SEMA6D: variants seen among roughly 807,000 people sequenced by gnomAD.
The protein encoded by SEMA6D is semaphorin 6D, also known as semaphorin-6D.
A neutral mutation model predicts 106.6 loss-of-function variants in SEMA6D; 35 were observed. That is an observed-to-expected ratio of 0.33 (90% confidence interval 0.25 to 0.44). The LOEUF (loss-of-function observed/expected upper bound fraction) is 0.44, where lower values mean the gene tolerates loss of function less well. Among genes scored for constraint, SEMA6D ranks in the 20% least tolerant of loss-of-function variants. The pLI, the probability that SEMA6D is intolerant of heterozygous loss-of-function variation, is 1.00. For synonymous variants in SEMA6D, 499 were observed against 487.7 expected (o/e 1.02, Z -0.31); for missense variants, 1,185 against 1,345.9 (o/e 0.88, Z 1.87).
intron 2 of SEMA6D, among the ~76,000 whole-genome samples, chr15:47,430,836 C>G (rs1022816921): frequency 4.6e-5 from 7 of 152,060 alleles, no homozygotes; most frequent in African/African-American, 1.7e-4. Flanking sequence ...GCGGTGTAGC[C>G]TCTTAGTTGA....
chr15:47,520,752 T>C (rs1467597871), intron 3 of SEMA6D, among the ~76,000 whole-genome samples: 4 of 151,960 alleles, frequency 2.6e-5, no homozygotes, highest in Non-Finnish European at 1.5e-5. Context: ...TAATGGGGGA[T>C]TACAATGGAG....
chr15:47,242,546 G>T (rs1208766099), intron 1 of SEMA6D, among the ~76,000 whole-genome samples: 1 of 152,042 alleles, frequency 6.6e-6, no homozygotes, highest in African/African-American at 2.4e-5. Flanking sequence ...GGAGCCATAG[G>T]GCATATGCAT....
In SEMA6D at chr15:47,434,606, C is replaced by T. The variant is rs1489442567; in HGVS notation, c.-159+22134C>T. 2.6e-5 allele frequency among the ~76,000 whole-genome samples: 4 copies of T among 152,034 alleles called. No individual in the cohort carries two copies. The East Asian group carries it at 7.7e-4, about 29-fold the overall frequency. ...AGAAACAGACTATAGGCAAGTGATACACTATTTGATGGAAGCTACTTTGTG... is the reference window on the plus strand; with the variant it reads ...AGAAACAGACTATAGGCAAGTGATATACTATTTGATGGAAGCTACTTTGTG... On this transcript the variant is annotated intron_variant, in intron 2 of 19. Coordinates refer to the SEMA6D transcript ENST00000558014.
intron 3 of SEMA6D, among the ~76,000 whole-genome samples, chr15:47,592,787 A>AATAC (rs2076463079): frequency 6.6e-6 from 1 of 152,232 alleles, no homozygotes. Flanking sequence ...TGTAGTCCAT[A>AATAC]ATACATTGCA....
At chr15:47,239,994 A>C (rs1047223457) in intron 1 of SEMA6D, among the ~76,000 whole-genome samples, 7 of 152,158 alleles carry the variant, frequency 4.6e-5, no homozygotes, top group Admixed American at 3.9e-4. Flanking sequence ...ATATATCATA[A>C]ATATTCAATA....
rs549519554 is a variant in SEMA6D, at chr15:47,250,440, G to GAAGA, written c.-239+66044_-239+66047dup. 9.7e-3 allele frequency among the ~76,000 whole-genome samples: 1,472 copies of GAAGA among 151,776 alleles called. 29 individuals carry two copies. The highest frequency in any genetic ancestry group is 0.031 in the African/African-American group (1,298 of 41,368). The stretch of plus-strand genomic sequence containing the variant: ...AAGGAAAGAACCTTTAGCAAATCCT[G>GAAGA]AAGAAAGAAAGAAAGAAAGAAAGAA... On this transcript the variant is annotated intron_variant, in intron 1 of 19. Coordinates refer to the SEMA6D transcript ENST00000558014.
At chr15:47,195,114 C>G (rs1894248677) in intron 1 of SEMA6D, among the ~76,000 whole-genome samples, 1 of 151,864 alleles carries the variant, frequency 6.6e-6, no homozygotes, top group African/African-American at 2.4e-5. Context: ...AACTTAAAAA[C>G]TTGTTTAATA....
intron 4 of SEMA6D, among the ~76,000 whole-genome samples, chr15:47,645,418 T>C (rs939724860): frequency 3.3e-5 from 5 of 152,172 alleles, no homozygotes; most frequent in Admixed American, 1.3e-4. Flanking sequence ...ACTAACTTAC[T>C]TGGAGATTGG....
chr15:47,195,997 A>C (rs1357443340), intron 1 of SEMA6D, among the ~76,000 whole-genome samples: 1 of 149,734 alleles, frequency 6.7e-6, no homozygotes, highest in Non-Finnish European at 1.5e-5. Flanking sequence ...GCTCCACAGC[A>C]AGTTATCAAT....
chr15:47,661,464 A>C (rs1265618171), intron 4 of SEMA6D, among the ~76,000 whole-genome samples: 1 of 152,226 alleles, frequency 6.6e-6, no homozygotes, highest in African/African-American at 2.4e-5. Context: ...ACAATCCTTA[A>C]GATTTTCTGG....
chr15:47,457,306 G>A (rs1195712730), intron 2 of SEMA6D, among the ~76,000 whole-genome samples: 2 of 151,716 alleles, frequency 1.3e-5, no homozygotes, highest in East Asian at 3.9e-4. Flanking sequence ...ATCCAATACA[G>A]ACTTACTTAT....
chr15:47,473,537 A>T (rs1330575312), intron 3 of SEMA6D, among the ~76,000 whole-genome samples: 1 of 152,206 alleles, frequency 6.6e-6, no homozygotes, highest in Non-Finnish European at 1.5e-5. Flanking sequence ...TCAAGTCCTC[A>T]GGAAGTCTAT....
chr15:47,772,490 C>A lies in SEMA6D; in HGVS notation c.*705C>A, dbSNP rs1885083492. On this transcript the variant is annotated 3_prime_UTR_variant, in exon 19 of 19. Coordinates refer to ENST00000536845, the MANE Select transcript of SEMA6D (RefSeq NM_001358351.3). ...ACCGAACGAGAGACAATACTATTTCCCACAGGAGTCCATTGGGTTCAGCTT... is the reference window on the plus strand; with the variant it reads ...ACCGAACGAGAGACAATACTATTTCACACAGGAGTCCATTGGGTTCAGCTT... 1 of 152,024 alleles carries A rather than the reference C, an allele frequency of 6.6e-6. No homozygotes were observed. 9.4% of individuals were successfully genotyped at this position (152,024 alleles called of 1,614,324 possible).
At chr15:47,578,752 G>A (rs2076202597) in intron 3 of SEMA6D, among the ~76,000 whole-genome samples, 1 of 152,020 alleles carries the variant, frequency 6.6e-6, no homozygotes, top group African/African-American at 2.4e-5. Context: ...TTTTATGGAT[G>A]TGTACCTATG....
chr15:47,471,931 TCA>T (rs1168586101), intron 3 of SEMA6D, among the ~76,000 whole-genome samples: 10,621 of 120,662 alleles, frequency 0.088, 408 homozygotes, highest in East Asian at 0.22. Context: ...TCTCTCTCTC[TCA>T]CACACACACA....
chr15:47,539,430 T>TG (rs1359436724), intron 3 of SEMA6D, among the ~76,000 whole-genome samples: 7 of 151,974 alleles, frequency 4.6e-5, no homozygotes, highest in African/African-American at 1.7e-4. Context: ...TTTGTTTGTT[T>TG]GTTTTGTTTT....
chr15:47,229,649 A>G lies in SEMA6D; in HGVS notation c.-239+45231A>G, dbSNP rs147301244. Among the ~76,000 whole-genome samples the G allele has an allele frequency of 5.6e-3, 854 of 152,246 alleles. 5 individuals carry two copies. Among genetic ancestry groups the G allele is most frequent in the Middle Eastern group, 0.01 (3 of 294 alleles). On this transcript the variant is annotated intron_variant, in intron 1 of 19. Coordinates refer to the SEMA6D transcript ENST00000558014. ...CTAGCATTTGGCTAATCAAATTCTA[A>G]GATGTCTGCAGGACTAGCTGAAGTC...
At chr15:47,215,664 A>C (rs1392641111) in intron 1 of SEMA6D, among the ~76,000 whole-genome samples, 1 of 152,162 alleles carries the variant, frequency 6.6e-6, no homozygotes, top group Non-Finnish European at 1.5e-5. Context: ...TGTATATAAT[A>C]AATCAGTTTC....
At chr15:47,533,729 G>A (rs1208243551) in intron 3 of SEMA6D, among the ~76,000 whole-genome samples, 1 of 152,146 alleles carries the variant, frequency 6.6e-6, no homozygotes, top group Non-Finnish European at 1.5e-5. Context: ...GGGGGCCATT[G>A]GAAGAAGAAT....
Sources: gnomAD v4.1 joint callset for allele counts (sites outside exome capture counted in the v4.1 genomes callset) on GRCh38, gnomAD v4.1.1 for gene constraint, MANE v1.5 for transcripts, NCBI Gene and HGNC (gene_info 2026-07-23, HGNC 2026-07-21) for gene names.